Variants in PON1 observed in about 807,000 individuals in gnomAD.
PON1 encodes the protein serum paraoxonase/arylesterase 1.
PON1 carries 37 observed loss-of-function variants against 39.2 expected under a neutral mutation model. The ratio of observed to expected loss-of-function variants is 0.94; its 90% CI spans 0.73 to 1.24. The LOEUF (loss-of-function observed/expected upper bound fraction) is 1.24, where lower values mean the gene tolerates loss of function less well. Among genes scored for constraint, PON1 ranks in the 50% most tolerant of loss-of-function variants. The pLI is 0.00. For synonymous variants in PON1, 148 were observed against 152.2 expected (o/e 0.97, Z 0.21); for missense variants, 397 against 413.5 (o/e 0.96, Z 0.35).
intron 7 of PON1, among the ~76,000 whole-genome samples, chr7:95,304,706 A>G (rs1807504111): frequency 6.6e-6 from 1 of 152,184 alleles, no homozygotes. Flanking sequence ...TCACAAATTT[A>G]AGAATAGCCT....
chr7:95,324,312 A>T, intron 1 of PON1, 90 bp downstream of exon 1: 1 of 1,213,480 alleles, frequency 8.2e-7, no homozygotes, highest in Non-Finnish European at 1.2e-6. Flanking sequence ...ATGTTCTGTT[A>T]ACAGCCTGGA....
At chr7:95,310,947 T>C (rs920446714) in intron 5 of PON1, among the ~76,000 whole-genome samples, 1 of 152,158 alleles carries the variant, frequency 6.6e-6, no homozygotes, top group Non-Finnish European at 1.5e-5. Flanking sequence ...TAGGGGGAAT[T>C]GAGTGTTACC....
rs771395021 is a variant in PON1, at chr7:95,324,431, T to G, written c.45A>C (p.Ala15=). The G allele has an allele frequency of 1.7e-5, 27 of 1,613,756 alleles. No homozygotes were observed. The highest frequency in any genetic ancestry group is 2.2e-5 in the Non-Finnish European group (26 of 1,179,970). The part of the protein sequence containing the change: ...IALTLLGMGL[A]LFRNHQSSYQ... ...AAGAAGACTGGTGGTTCCTGAAGAG[T>G]GCCAGTCCCATCCCCAAGAGGGTGA... Residue 15 remains alanine (A), a synonymous_variant, in exon 1 of 9, where the codon GCA becomes GCC. Coordinates refer to ENST00000222381, the MANE Select transcript of PON1 (RefSeq NM_000446.7).
intron 3 of PON1, among the ~76,000 whole-genome samples, chr7:95,315,924 A>T (rs1422852644): frequency 6.6e-6 from 1 of 151,984 alleles, no homozygotes; most frequent in Non-Finnish European, 1.5e-5. Flanking sequence ...CAGAGGAACT[A>T]CTCCTTTCTT....
intron 3 of PON1, among the ~76,000 whole-genome samples, chr7:95,316,198 G>C (rs1461598207): frequency 1.3e-5 from 2 of 152,124 alleles, no homozygotes; most frequent in South Asian, 4.1e-4. Flanking sequence ...GACTTCTTTT[G>C]TTTTGCACTA....
intron 5 of PON1, among the ~76,000 whole-genome samples, chr7:95,310,814 T>C (rs997071648): frequency 3.9e-5 from 6 of 152,224 alleles, no homozygotes; most frequent in African/African-American, 1.2e-4. Context: ...TAGAGTCGGA[T>C]TGTTCTCCTA....
chr7:95,300,172 A>T (rs1253590806), intron 8 of PON1, among the ~76,000 whole-genome samples: 1 of 152,210 alleles, frequency 6.6e-6, no homozygotes, highest in Non-Finnish European at 1.5e-5. Context: ...AATAGCCAAT[A>T]TCTGATCATT....
At position 95,302,332 on chromosome 7, in the gene PON1, G is replaced by A. The variant is rs1807453752; in HGVS notation, c.782C>T (p.Ser261Phe). 1 of 1,605,372 alleles carries A rather than the reference G, an allele frequency of 6.2e-7. No homozygotes were observed. The highest frequency in any genetic ancestry group is 8.5e-7 in the Non-Finnish European group (1 of 1,172,942). Residue 261 changes from serine to phenylalanine, a missense_variant and splice_region_variant, in exon 8 of 9, where the codon TCC (serine) becomes TTC (phenylalanine). Physicochemically the swap from Ser to Phe is radical, Grantham distance 155 (BLOSUM62 -2). Transcript: ENST00000222381. ...ATCCACGAGGGTATTAAAGTCAAGG[G>A]ACTTAAAAGATTAAAAACAAGAAAA... ...HANWTLTPLK[S>F]LDFNTLVDNI...
Position 95,324,525 on chromosome 7 carries a change from G to A in PON1, c.-50C>T. On this transcript the variant is annotated 5_prime_UTR_variant, in exon 1 of 9. Coordinates refer to ENST00000222381, the MANE Select transcript of PON1 (RefSeq NM_000446.7). ...ATGGGCGCAGACACCGACGGGCTAG[G>A]AGGCTCTGCCTGCCTGCAGCCGCAG... 1 of 1,568,352 alleles carries A rather than the reference G, an allele frequency of 6.4e-7. No individual in the cohort carries two copies. Among genetic ancestry groups the A allele is most frequent in the Non-Finnish European group, 8.8e-7 (1 of 1,142,072 alleles).
Position 95,299,118 on chromosome 7 carries a change from C to T in PON1, c.910-16G>A, listed in dbSNP as rs775127818. The T allele has an allele frequency of 3.7e-6, 6 of 1,612,854 alleles. No individual in the cohort carries two copies. In the East Asian group the frequency reaches 1.3e-4, roughly 36 times the overall value. On this transcript the variant is annotated splice_polypyrimidine_tract_variant and intron_variant, in intron 8 of 8. Coordinates refer to ENST00000222381, the MANE Select transcript of PON1 (RefSeq NM_000446.7). Reference sequence around the variant, plus strand: ...TTCGAAGCACCTGTGGAAGAAATAACATTGGGTTAATATTTTTGTTAAGTC... The same window carrying T: ...TTCGAAGCACCTGTGGAAGAAATAATATTGGGTTAATATTTTTGTTAAGTC...
chr7:95,320,320 C>T (rs1265646712), intron 1 of PON1, among the ~76,000 whole-genome samples: 1 of 152,198 alleles, frequency 6.6e-6, no homozygotes, highest in Non-Finnish European at 1.5e-5. Context: ...AGGCTTCTCT[C>T]TCATAGAAGA....
At position 95,311,573 on chromosome 7, in the gene PON1, A is replaced by G; in HGVS notation, c.375T>C (p.Asn125=). ...GGTTCACCACCAGGAGGTACATGGC[A>G]TTATCTGAGAGGAGATTAAAAACAA... ...HGISTFTDED[N]AMYLLVVNHP... is the part of the protein sequence containing the mutation. Residue 125 remains asparagine, a synonymous_variant, in exon 5 of 9, where the codon AAT becomes AAC. Transcript: ENST00000222381. 6.2e-7 allele frequency: 1 copy of G among 1,614,126 alleles called. No homozygotes were observed. Among genetic ancestry groups the G allele is most frequent in the Non-Finnish European group, 8.5e-7 (1 of 1,179,974 alleles).
In PON1 at chr7:95,306,358, T is replaced by C. The variant is rs755475189; in HGVS notation, c.707A>G (p.Tyr236Cys). The C allele has an allele frequency of 3.9e-5, 63 of 1,606,482 alleles. No individual in the cohort carries two copies. In the Middle Eastern group the frequency reaches 4.9e-4, roughly 13 times the overall value. The change falls in exon 7 of 9, where the codon TAT becomes TGT. Residue 236 changes from tyrosine (Y) to cysteine (C), a missense_variant. Coordinates refer to ENST00000222381, the MANE Select transcript of PON1 (RefSeq NM_000446.7). ...INISPDGKYV[Y>C]IAELLAHKIH... ...CTTATGAGCCAGCAACTCAGCTATA[T>C]AGACATACCTTCAAAGAAGAAAGAG...
chr7:95,306,151 A>G (rs766095833), intron 7 of PON1, 134 bp downstream of exon 7: 51 of 755,994 alleles, frequency 6.7e-5, no homozygotes, highest in Non-Finnish European at 1.1e-4. Flanking sequence ...CAAGCTAATG[A>G]CTCTTAATAA....
intron 1 of PON1, among the ~76,000 whole-genome samples, chr7:95,320,144 A>AG (rs1807862980): frequency 6.6e-6 from 1 of 152,200 alleles, no homozygotes; most frequent in African/African-American, 2.4e-5. Context: ...AAAATCACTG[A>AG]ATGGGCCAAG....
intron 2 of PON1, among the ~76,000 whole-genome samples, chr7:95,317,264 C>T (rs1280655101): frequency 6.6e-6 from 1 of 151,956 alleles, no homozygotes; most frequent in Non-Finnish European, 1.5e-5. Context: ...TTTAGGTGAT[C>T]AAGAATATGA....
At chr7:95,321,437 A>C (rs1807894844) in intron 1 of PON1, among the ~76,000 whole-genome samples, 1 of 152,098 alleles carries the variant, frequency 6.6e-6, no homozygotes, top group Non-Finnish European at 1.5e-5. Flanking sequence ...TAATCAGTCT[A>C]TTTTCTGCTA....
Position 95,324,394 on chromosome 7 carries a change from C to T in PON1, c.74+8G>A, listed in dbSNP as rs752129939. ...GAAGGCTGCAGCCCTCACCACAACC[C>T]AACTTACTGGTAAGAAGACTGGTGG... On this transcript the variant is annotated splice_region_variant and intron_variant, in intron 1 of 8. Transcript: ENST00000222381. 5 of 1,614,018 alleles carry T rather than the reference C, an allele frequency of 3.1e-6. No homozygotes were observed. In the East Asian group the frequency reaches 8.9e-5, roughly 29 times the overall value.
chr7:95,299,132 T>TTTTG (rs1426868910), intron 8 of PON1, 30 bp from the exon 9 acceptor site: 1 of 1,609,118 alleles, frequency 6.2e-7, no homozygotes, highest in African/African-American at 1.3e-5. Context: ...GGGTTAATAT[T>TTTTG]TTTGTTAAGT....
Sources: gnomAD v4.1 joint callset for allele counts (sites outside exome capture counted in the v4.1 genomes callset) on GRCh38, gnomAD v4.1.1 for gene constraint, MANE v1.5 for transcripts, NCBI Gene and HGNC (gene_info 2026-07-23, HGNC 2026-07-21) for gene names.